The following BPTF variants were observed in gnomAD, a reference collection of about 807,000 sequenced individuals.
BPTF encodes the protein nucleosome-remodeling factor subunit BPTF.
BPTF carries 18 observed loss-of-function variants against 292.5 expected under a neutral mutation model. The ratio of observed to expected loss-of-function variants is 0.06; its 90% CI spans 0.04 to 0.09. BPTF has a LOEUF of 0.09. Among genes scored for constraint, BPTF ranks in the 10% least tolerant of loss-of-function variants. BPTF has a pLI of 1.00. For missense variants in BPTF, 2,726 were observed against 3,498.7 expected (o/e 0.78, Z 5.57); for synonymous variants, 1,225 against 1,251.9 (o/e 0.98, Z 0.45).
At position 67,878,528 on chromosome 17, in the gene BPTF, C is replaced by A. The variant is rs2060185376; in HGVS notation, c.1864+3508C>A. On this transcript the variant is annotated intron_variant, in intron 4 of 27. Transcript: ENST00000306378. ...ACAGTGTATGAGAGTTCTAGCTCCT[C>A]TGCATCCTTGCTAACACTGGGTATC... Among the ~76,000 whole-genome samples, 4 of 152,164 alleles carry A rather than the reference C, an allele frequency of 2.6e-5. No individual in the cohort carries two copies. In the South Asian group the frequency reaches 8.3e-4, roughly 32 times the overall value.
At chr17:67,836,757 A>G (rs139543011) in intron 1 of BPTF, among the ~76,000 whole-genome samples, 1 of 152,354 alleles carries the variant, frequency 6.6e-6, no homozygotes, top group Non-Finnish European at 1.5e-5. Flanking sequence ...GTAGACAGCA[A>G]AATTATTTCA....
rs773063236 is a variant in BPTF, at chr17:67,854,748, C to T, written c.1422C>T (p.Asn474=). 8 of 1,611,958 alleles carry T rather than the reference C, an allele frequency of 5.0e-6. No homozygotes were observed. The change falls in exon 2 of 28, where the codon AAC becomes AAT. Residue 474 remains asparagine (N), a synonymous_variant. Transcript: ENST00000306378. This position sits in a 1 kb window ranked among gnomAD's most constrained non-coding sequence, Gnocchi z 5.6. ...DRSRRKYWFL[N]RRLIIEEDTE... The stretch of plus-strand genomic sequence containing the variant: ...GTCGGAGGAAATACTGGTTCTTGAA[C>T]CGAAGACTCATAATGTAAGTAAATC...
At chr17:67,862,885 C>G (rs1284873064) in intron 2 of BPTF, among the ~76,000 whole-genome samples, 1 of 148,736 alleles carries the variant, frequency 6.7e-6, no homozygotes, top group African/African-American at 2.5e-5. Context: ...CAGCATAATT[C>G]CAATCTCCCT....
Position 67,854,517 on chromosome 17 carries a change from C to T in BPTF, c.1191C>T (p.His397=). 6.2e-7 allele frequency: 1 copy of T among 1,614,138 alleles called. No individual in the cohort carries two copies. The highest frequency in any genetic ancestry group is 8.5e-7 in the Non-Finnish European group (1 of 1,180,030). ...ATGATGACCATTGTAGGGTTTGTCA[C>T]AAACTTGGGGATTTGCTTTGCTGTG... ...IQYDDHCRVC[H]KLGDLLCCET... The change falls in exon 2 of 28, where the codon CAC becomes CAT. Residue 397 remains histidine (H), a synonymous_variant. Coordinates refer to ENST00000306378, the MANE Select transcript of BPTF (RefSeq NM_182641.4). This position sits in a 1 kb window ranked among gnomAD's most constrained non-coding sequence, Gnocchi z 5.6.
At chr17:67,878,704 C>G (rs185333590) in intron 4 of BPTF, among the ~76,000 whole-genome samples, 30 of 150,950 alleles carry the variant, frequency 2.0e-4, no homozygotes, top group Middle Eastern at 3.4e-3. Context: ...GTGTGTGTGT[C>G]AGTCGTTTAG....
Position 67,897,341 on chromosome 17 carries a change from C to CAA in BPTF, c.2543+3205_2543+3206dup, listed in dbSNP as rs750678904. Among the ~76,000 whole-genome samples the CAA allele has an allele frequency of 7.5e-3, 133 of 17,738 alleles. 12 individuals are homozygous for CAA. Among genetic ancestry groups the CAA allele is most frequent in the Non-Finnish European group, 0.021 (97 of 4,590 alleles). 11.6% of individuals were successfully genotyped at this position (17,738 alleles called of 152,430 possible). On this transcript the variant is annotated intron_variant, in intron 7 of 27. Transcript: ENST00000306378. ...AGGCAACAAGAGTGAAACTCTGTCT[C>CAA]AAAAAAAAAAAAAAAAAAAAAAAAA...
chr17:67,854,136 T>C lies in BPTF; in HGVS notation c.810T>C (p.Phe270=), dbSNP rs1274755817. Residue 270 remains phenylalanine, a synonymous_variant, in exon 2 of 28, where the codon TTT becomes TTC. Coordinates refer to ENST00000306378, the MANE Select transcript of BPTF (RefSeq NM_182641.4). This position sits in a 1 kb window ranked among gnomAD's most constrained non-coding sequence, Gnocchi z 5.6. The part of the protein sequence containing the change: ...LRLSPFRFED[F]CAALVSQEQC... ...TATCTCCTTTTCGCTTTGAGGACTT[T>C]TGTGCAGCTCTGGTGAGCCAAGAGC... The C allele has an allele frequency of 3.1e-6, 5 of 1,614,256 alleles. No individual in the cohort carries two copies. The highest frequency in any genetic ancestry group is 2.7e-5 in the African/African-American group (2 of 75,062).
intron 4 of BPTF, among the ~76,000 whole-genome samples, chr17:67,886,869 C>T (rs931478263): frequency 2.4e-4 from 37 of 151,980 alleles, no homozygotes; most frequent in African/African-American, 8.7e-4. Flanking sequence ...AACCATAATT[C>T]ATCTACTATT....
chr17:67,962,135 A>G (rs1262891394), intron 24 of BPTF, among the ~76,000 whole-genome samples: 2 of 22,776 alleles, frequency 8.8e-5, no homozygotes, highest in Admixed American at 6.4e-4. Context: ...ACAGCGAGAC[A>G]AAAGAAAAAA....
At position 67,984,265 on chromosome 17, in the gene BPTF, A is replaced by G. The variant is rs2070681412; in HGVS notation, c.*1977A>G. On this transcript the variant is annotated 3_prime_UTR_variant, in exon 28 of 28. Coordinates refer to ENST00000306378, the MANE Select transcript of BPTF (RefSeq NM_182641.4). ...TTGCAGCAAGAACTTTCCTACCTGTAGGCAATAGATTGCTATGTTTTTAAC... is the reference window on the plus strand; with the variant it reads ...TTGCAGCAAGAACTTTCCTACCTGTGGGCAATAGATTGCTATGTTTTTAAC... 6.6e-6 allele frequency: 1 copy of G among 152,592 alleles called. No homozygotes were observed. Among genetic ancestry groups the G allele is most frequent in the South Asian group, 2.1e-4 (1 of 4,834 alleles). The allele number at this position is 152,592 out of a possible 1,614,324, so 9.5% of individuals were successfully genotyped here.
At chr17:67,939,887 A>G (rs77617229) in intron 18 of BPTF, among the ~76,000 whole-genome samples, 29 of 152,360 alleles carry the variant, frequency 1.9e-4, no homozygotes, top group African/African-American at 6.7e-4. Flanking sequence ...CTCAAAAAAA[A>G]GAAAAGCATT....
rs200147350 is a variant in BPTF, at chr17:67,918,857, A to G, written c.5428+19A>G. The G allele has an allele frequency of 4.3e-5, 69 of 1,609,598 alleles. No homozygotes were observed. In the East Asian group the frequency reaches 1.5e-3, roughly 36 times the overall value. The stretch of plus-strand genomic sequence containing the variant: ...CGGACAGGTAAGGGGGAAGGGAGTT[A>G]TTTTCTAATTTAAGTTTAAAAGCTA... On this transcript the variant is annotated intron_variant, in intron 12 of 27. Coordinates refer to ENST00000306378, the MANE Select transcript of BPTF (RefSeq NM_182641.4).
chr17:67,982,235 T>G lies in BPTF; in HGVS notation c.8727-17T>G. 6.2e-7 allele frequency: 1 copy of G among 1,608,418 alleles called. No homozygotes were observed. Among genetic ancestry groups the G allele is most frequent in the Non-Finnish European group, 8.5e-7 (1 of 1,175,738 alleles). Reference sequence around the variant, plus strand: ...ATGAAGGGTGCTTAATTGTTCCCTTTTTTCTATATTCTGTAGGTCTCATAA... The same window carrying G: ...ATGAAGGGTGCTTAATTGTTCCCTTGTTTCTATATTCTGTAGGTCTCATAA... On this transcript the variant is annotated splice_polypyrimidine_tract_variant and intron_variant, in intron 27 of 27. Transcript: ENST00000306378.
chr17:67,898,844 G>A (rs1327680051), intron 7 of BPTF, among the ~76,000 whole-genome samples: 1 of 149,154 alleles, frequency 6.7e-6, no homozygotes, highest in Non-Finnish European at 1.5e-5. Context: ...ATCACTTGAG[G>A]CCAGGAGCTG....
intron 26 of BPTF, among the ~76,000 whole-genome samples, chr17:67,971,728 C>T (rs1441521301): frequency 2.0e-5 from 3 of 148,464 alleles, no homozygotes; most frequent in Admixed American, 6.9e-5. Flanking sequence ...TGCTTGAACC[C>T]AAGAGGCAGA....
intron 7 of BPTF, among the ~76,000 whole-genome samples, chr17:67,901,472 T>A (rs1275811356): frequency 3.3e-5 from 5 of 152,164 alleles, no homozygotes; most frequent in Non-Finnish European, 5.9e-5. Flanking sequence ...TGGAAAAATG[T>A]TATTGTAATC....
chr17:67,945,279 C>T, intron 20 of BPTF, 130 bp from the exon 21 acceptor site: 1 of 1,468,074 alleles, frequency 6.8e-7, no homozygotes. Flanking sequence ...CTCAACGTCC[C>T]AAGGTGCACA....
chr17:67,944,424 G>A, intron 20 of BPTF, 52 bp downstream of exon 20: 1 of 1,586,374 alleles, frequency 6.3e-7, no homozygotes. Flanking sequence ...ACACGTGGCT[G>A]GGCTAACAGA....
At chr17:67,950,406 A>G (rs1489745531) in intron 23 of BPTF, among the ~76,000 whole-genome samples, 1 of 152,218 alleles carries the variant, frequency 6.6e-6, no homozygotes, top group Non-Finnish European at 1.5e-5. Flanking sequence ...CAACGTTATT[A>G]TTTAGCATTT....
Sources: gnomAD v4.1 joint callset for allele counts (sites outside exome capture counted in the v4.1 genomes callset) on GRCh38, gnomAD v4.1.1 for gene constraint, Gnocchi (gnomAD v3.1) non-coding constraint, MANE v1.5 for transcripts, NCBI Gene and HGNC (gene_info 2026-07-23, HGNC 2026-07-21) for gene names.